The following CDC42BPA variants were observed in gnomAD, a reference collection of about 807,000 sequenced individuals.
CDC42BPA encodes serine/threonine-protein kinase MRCK alpha.
A neutral mutation model predicts 223.5 loss-of-function variants in CDC42BPA; 80 were observed. The ratio of observed to expected loss-of-function variants is 0.36; its 90% CI spans 0.30 to 0.43. CDC42BPA has a LOEUF of 0.43. Among genes scored for constraint, CDC42BPA ranks in the 20% least tolerant of loss-of-function variants. The pLI is 1.00. For synonymous variants in CDC42BPA, 694 were observed against 718.6 expected (o/e 0.97, Z 0.55); for missense variants, 1,743 against 2,099.9 (o/e 0.83, Z 3.32).
At chr1:227,240,372 G>A (rs1257036119) in intron 2 of CDC42BPA, among the ~76,000 whole-genome samples, 1 of 151,996 alleles carries the variant, frequency 6.6e-6, no homozygotes, top group Non-Finnish European at 1.5e-5. Context: ...TGTACTCAGT[G>A]CATACTCAAT....
chr1:227,197,839 A>T (rs1319286990), intron 4 of CDC42BPA, among the ~76,000 whole-genome samples: 1 of 152,096 alleles, frequency 6.6e-6, no homozygotes, highest in Non-Finnish European at 1.5e-5. Context: ...GATGTGTTTT[A>T]ATTTGTTCTT....
chr1:227,201,668 C>T lies in CDC42BPA; in HGVS notation c.355-2016G>A, dbSNP rs570629731. On this transcript the variant is annotated intron_variant, in intron 3 of 36. Coordinates refer to ENST00000366766, the MANE Select transcript of CDC42BPA (RefSeq NM_001394014.1). ...GTGTCTATATAAGCATGCATGTGCA[C>T]GTGCACACACATACACACACACACA... is the stretch of plus-strand genomic sequence containing the variant. 8.0e-5 allele frequency among the ~76,000 whole-genome samples: 9 copies of T among 112,632 alleles called. No individual in the cohort carries two copies. In the South Asian group the frequency reaches 1.3e-3, roughly 17 times the overall value. 73.9% of individuals were successfully genotyped at this position (112,632 alleles called of 152,430 possible). A position where few individuals can be genotyped will look rare whatever the true frequency, so the allele number is the denominator to read the frequency against.
chr1:227,266,758 A>C (rs1685070226), intron 1 of CDC42BPA, among the ~76,000 whole-genome samples: 1 of 152,236 alleles, frequency 6.6e-6, no homozygotes, highest in East Asian at 1.9e-4. Context: ...TATGTTTTGC[A>C]TACCAACTTG....
intron 6 of CDC42BPA, among the ~76,000 whole-genome samples, chr1:227,149,376 A>G (rs1048837910): frequency 2.0e-5 from 3 of 152,192 alleles, no homozygotes; most frequent in Non-Finnish European, 4.4e-5. Flanking sequence ...TGGAGGACAC[A>G]TGCTCAAATT....
chr1:227,147,847 T>A (rs1428094644), intron 6 of CDC42BPA, among the ~76,000 whole-genome samples: 1 of 151,992 alleles, frequency 6.6e-6, no homozygotes, highest in Non-Finnish European at 1.5e-5. Context: ...AACTGAATAT[T>A]TGGTTTAGAA....
intron 5 of CDC42BPA, among the ~76,000 whole-genome samples, chr1:227,184,871 T>C (rs920376399): frequency 3.3e-5 from 5 of 152,218 alleles, no homozygotes; most frequent in Admixed American, 2.6e-4. Flanking sequence ...TTATTTCTAC[T>C]TCCTCCAAAC....
chr1:227,100,777 T>TGTGTGTGTGTGTGTGTGCGC (rs777124731), intron 15 of CDC42BPA, among the ~76,000 whole-genome samples: 90 of 128,592 alleles, frequency 7.0e-4, no homozygotes, highest in African/African-American at 2.4e-3. Context: ...TGTGTGTGTG[T>TGTGTGTGTGTGTGTGTGCGC]GCGTGTGCCA....
intron 34 of CDC42BPA, among the ~76,000 whole-genome samples, chr1:227,011,742 C>T (rs1665258693): frequency 1.3e-5 from 2 of 152,098 alleles, no homozygotes; most frequent in Non-Finnish European, 2.9e-5. Context: ...TAGAAAAAAG[C>T]TTTTGAATCC....
At chr1:227,262,822 T>A (rs1196568183) in intron 1 of CDC42BPA, among the ~76,000 whole-genome samples, 1 of 152,220 alleles carries the variant, frequency 6.6e-6, no homozygotes, top group Non-Finnish European at 1.5e-5. Flanking sequence ...GATTTTAAAA[T>A]ATAACTCACC....
intron 6 of CDC42BPA, among the ~76,000 whole-genome samples, chr1:227,149,660 T>C (rs1661361969): frequency 6.6e-6 from 1 of 152,030 alleles, no homozygotes; most frequent in African/African-American, 2.4e-5. Flanking sequence ...ACGTAATAAA[T>C]AGGTAAACAG....
In CDC42BPA at chr1:227,096,135, A is replaced by G. The variant is rs1430113761; in HGVS notation, c.2250-4144T>C. 3.3e-5 allele frequency among the ~76,000 whole-genome samples: 5 copies of G among 152,192 alleles called. No individual in the cohort carries two copies. The East Asian group carries it at 9.6e-4, about 29-fold the overall frequency. On this transcript the variant is annotated intron_variant, in intron 15 of 36. Transcript: ENST00000366766. ...AATTATAATTTAAATGACAAATTCA[A>G]GGAAAATAAGCCAACCTCCATCTCC...
chr1:227,138,198 G>C (rs1658991579), intron 10 of CDC42BPA, among the ~76,000 whole-genome samples: 1 of 151,930 alleles, frequency 6.6e-6, no homozygotes, highest in South Asian at 2.1e-4. Flanking sequence ...GTAAAACTTT[G>C]ATTAGTTACA....
chr1:227,030,300 G>T (rs1193809233), intron 29 of CDC42BPA, 108 bp downstream of exon 29: 2 of 663,242 alleles, frequency 3.0e-6, no homozygotes, highest in African/African-American at 1.9e-5. Context: ...AATTTTAGTC[G>T]CAGGATAAAT....
chr1:227,095,896 A>T (rs1391544527), intron 15 of CDC42BPA, among the ~76,000 whole-genome samples: 1 of 152,168 alleles, frequency 6.6e-6, no homozygotes, highest in Non-Finnish European at 1.5e-5. Flanking sequence ...CCAGCAAGGA[A>T]TAAGTTTTTG....
At chr1:227,071,827 T>A (rs958806089) in intron 20 of CDC42BPA, among the ~76,000 whole-genome samples, 6 of 149,678 alleles carry the variant, frequency 4.0e-5, no homozygotes, top group Non-Finnish European at 5.9e-5. Flanking sequence ...ACTGTCAGAG[T>A]GATAACCTCA....
intron 5 of CDC42BPA, among the ~76,000 whole-genome samples, chr1:227,189,425 A>C (rs185633059): frequency 8.5e-5 from 13 of 152,310 alleles, no homozygotes; most frequent in Admixed American, 7.9e-4. Flanking sequence ...TCAAATTTAT[A>C]ATGCAAAAAG....
At chr1:227,310,991 A>C (rs901476927) in intron 1 of CDC42BPA, among the ~76,000 whole-genome samples, 1 of 151,958 alleles carries the variant, frequency 6.6e-6, no homozygotes, top group Non-Finnish European at 1.5e-5. Flanking sequence ...GCACCCGGCC[A>C]AGGAGTTTTT....
chr1:227,027,942 C>A (rs1187544577), intron 30 of CDC42BPA, among the ~76,000 whole-genome samples: 2 of 151,638 alleles, frequency 1.3e-5, no homozygotes, highest in Admixed American at 6.6e-5. Context: ...CTAATGAGAC[C>A]ATCTCTACAA....
At chr1:227,133,311 C>T (rs71527037) in intron 10 of CDC42BPA, among the ~76,000 whole-genome samples, 100,628 of 143,006 alleles carry the variant, frequency 0.7, 35,382 homozygotes, top group South Asian at 0.85. Context: ...CCCCTCTGCC[C>T]GGCCAGCCGC....
Sources: allele counts gnomAD v4.1 joint callset (sites outside exome capture counted in the v4.1 genomes callset), GRCh38; gene constraint gnomAD v4.1.1; transcripts MANE v1.5; gene names NCBI Gene and HGNC (gene_info 2026-07-23, HGNC 2026-07-21).